CCDC171: variants seen among roughly 807,000 people sequenced by gnomAD.
CCDC171 encodes the protein coiled-coil domain containing 171, also known as coiled-coil domain-containing protein 171.
Under a neutral mutation model 168.2 loss-of-function variants are expected in CCDC171, and 177 were observed. The observed-to-expected ratio is 1.05, with a 90% CI of 0.93 to 1.19. The LOEUF (loss-of-function observed/expected upper bound fraction) is 1.19. Among genes scored for constraint, CCDC171 ranks in the 50% most tolerant of loss-of-function variants. CCDC171 has a pLI of 0.00. For synonymous variants in CCDC171, 687 were observed against 540.8 expected, an observed-to-expected ratio of 1.27 and a Z score of -3.75; for missense variants, 1,991 against 1,539.0, an observed-to-expected ratio of 1.29 and a Z score of -4.91.
At chr9:16,064,105 A>G (rs1347421497), downstream of CCDC171, among the ~76,000 whole-genome samples, 1 of 152,176 alleles carries the variant, frequency 6.6e-6, no homozygotes, top group Non-Finnish European at 1.5e-5. Context: ...AACTCTGACA[A>G]AATTAGGCCA....
intron 3 of CCDC171, among the ~76,000 whole-genome samples, chr9:16,014,958 A>C (rs1041268542): frequency 6.6e-6 from 1 of 152,124 alleles, no homozygotes; most frequent in Non-Finnish European, 1.5e-5. Flanking sequence ...CGCTAACAAG[A>C]GTGTCAGCCT....
At chr9:15,829,181 G>A (rs189494005) in intron 21 of CCDC171, among the ~76,000 whole-genome samples, 22 of 152,236 alleles carry the variant, frequency 1.4e-4, no homozygotes, top group African/African-American at 2.6e-4. Flanking sequence ...TAATTTGACC[G>A]TTTCCTCAGG....
Position 15,874,850 on chromosome 9 carries a change from G to A in CCDC171, c.3600+187G>A, listed in dbSNP as rs941585176. ...ATATTGTTTTTTTCTTTAAAGCCTA[G>A]AACTAGCCTATTAAAATAATCCAGA... On this transcript the variant is annotated intron_variant, in intron 24 of 25. Coordinates refer to ENST00000380701, the MANE Select transcript of CCDC171 (RefSeq NM_173550.4). The A allele has an allele frequency of 5.4e-5, 26 of 479,238 alleles. 1 individual carries two copies. In the East Asian group the frequency reaches 1.0e-3, roughly 19 times the overall value. 29.7% of individuals were successfully genotyped at this position (479,238 alleles called of 1,614,324 possible).
chr9:16,066,173 G>A (rs573879490), downstream of CCDC171, among the ~76,000 whole-genome samples: 4 of 151,920 alleles, frequency 2.6e-5, no homozygotes, highest in Non-Finnish European at 4.4e-5. Flanking sequence ...ACCTCTTCTC[G>A]GTCACTCTTC....
intron 10 of CCDC171, among the ~76,000 whole-genome samples, chr9:15,690,535 G>C (rs2050710931): frequency 6.6e-6 from 1 of 151,998 alleles, no homozygotes; most frequent in South Asian, 2.1e-4. Context: ...ATTGATCAAA[G>C]AGCCATAAAA....
At chr9:16,001,631 G>C (rs1201332066) in intron 3 of CCDC171, among the ~76,000 whole-genome samples, 1 of 152,058 alleles carries the variant, frequency 6.6e-6, no homozygotes, top group Non-Finnish European at 1.5e-5. Flanking sequence ...GGTCCCATAA[G>C]ATTATAATAG....
chr9:16,046,636 T>A (rs1433651981), intron 1 of CCDC171, among the ~76,000 whole-genome samples: 1 of 152,050 alleles, frequency 6.6e-6, no homozygotes, highest in African/African-American at 2.4e-5. Context: ...ATGGGGGTGG[T>A]TTCTCCCATA....
intron 3 of CCDC171, among the ~76,000 whole-genome samples, chr9:16,002,502 C>T (rs191659127): frequency 3.3e-5 from 5 of 151,824 alleles, no homozygotes; most frequent in Admixed American, 6.5e-5. Flanking sequence ...ACGTTGTGTT[C>T]GTGTTTTATG....
At chr9:15,630,063 T>C (rs1355862732) in intron 7 of CCDC171, among the ~76,000 whole-genome samples, 1 of 152,114 alleles carries the variant, frequency 6.6e-6, no homozygotes, top group Non-Finnish European at 1.5e-5. Flanking sequence ...GTACCAGCCA[T>C]TGCAAAATCA....
intron 16 of CCDC171, among the ~76,000 whole-genome samples, chr9:15,739,904 A>G (rs1488310462): frequency 6.6e-6 from 1 of 151,806 alleles, no homozygotes; most frequent in Non-Finnish European, 1.5e-5. Flanking sequence ...TGCCTGGCTA[A>G]TTTTTTGTAT....
chr9:15,964,643 C>G (rs1564079720), intron 25 of CCDC171, among the ~76,000 whole-genome samples: 1 of 152,096 alleles, frequency 6.6e-6, no homozygotes, highest in Non-Finnish European at 1.5e-5. Context: ...TTTCTAACCT[C>G]AACCACATCA....
At chr9:15,686,927 A>G (rs1215692131) in intron 10 of CCDC171, among the ~76,000 whole-genome samples, 1 of 152,186 alleles carries the variant, frequency 6.6e-6, no homozygotes, top group African/African-American at 2.4e-5. Flanking sequence ...TATCTATAGA[A>G]CACCACACCC....
intron 24 of CCDC171, among the ~76,000 whole-genome samples, chr9:15,885,101 G>A (rs992145747): frequency 1.3e-5 from 2 of 152,022 alleles, no homozygotes; most frequent in African/African-American, 4.8e-5. Context: ...TCCATATTTT[G>A]AAACATTTTG....
chr9:16,041,324 G>C (rs1054380828), upstream of CCDC171, among the ~76,000 whole-genome samples: 3 of 152,172 alleles, frequency 2.0e-5, no homozygotes, highest in African/African-American at 7.2e-5. Flanking sequence ...AGGCCTGAGA[G>C]AAAATGCAGA....
intron 21 of CCDC171, among the ~76,000 whole-genome samples, chr9:15,822,777 T>G (rs10962173): frequency 1.3e-5 from 2 of 151,946 alleles, no homozygotes; most frequent in South Asian, 2.1e-4. Context: ...GTCAGTGTGG[T>G]GATTCCTCAG....
chr9:15,920,165 GTTGT>G (rs1475553806), intron 24 of CCDC171, 101 bp from the exon 25 acceptor site: 4 of 611,222 alleles, frequency 6.5e-6, no homozygotes, highest in Non-Finnish European at 5.2e-6. Context: ...AAGATGAAAA[GTTGT>G]TTATTTTAAA....
chr9:15,783,142 C>G (rs2057752846), intron 20 of CCDC171, among the ~76,000 whole-genome samples: 1 of 151,934 alleles, frequency 6.6e-6, no homozygotes, highest in Non-Finnish European at 1.5e-5. Flanking sequence ...TACCTGGTGC[C>G]AAAATAAAAC....
At chr9:15,952,348 G>C (rs1416564988) in intron 25 of CCDC171, among the ~76,000 whole-genome samples, 1 of 152,058 alleles carries the variant, frequency 6.6e-6, no homozygotes, top group African/African-American at 2.4e-5. Flanking sequence ...TTTCAATCTT[G>C]TTTTGGGTAT....
the CCDC171 span, among the ~76,000 whole-genome samples, chr9:16,091,413 C>T: frequency 6.6e-5 from 10 of 152,336 alleles, no homozygotes; most frequent in East Asian, 1.7e-3. Flanking sequence ...CATGACTGCT[C>T]AGTCCCTTTG....
Sources: gnomAD v4.1 joint callset for allele counts (sites outside exome capture counted in the v4.1 genomes callset) on GRCh38, gnomAD v4.1.1 for gene constraint, MANE v1.5 for transcripts, NCBI Gene and HGNC (gene_info 2026-07-23, HGNC 2026-07-21) for gene names.